ALDH6A1: variants seen among roughly 807,000 people sequenced by gnomAD.
ALDH6A1 encodes methylmalonate-semialdehyde/malonate-semialdehyde dehydrogenase [acylating], mitochondrial.
ALDH6A1 carries 43 observed loss-of-function variants against 62.6 expected under a neutral mutation model. The observed-to-expected ratio is 0.69, with a 90% CI of 0.54 to 0.89. The LOEUF (loss-of-function observed/expected upper bound fraction) is 0.89, where lower values mean the gene tolerates loss of function less well. Ranked by LOEUF, ALDH6A1 falls within the 40% of genes least tolerant of loss-of-function variation. The pLI is 0.00. For missense variants in ALDH6A1, 551 were observed against 661.3 expected (o/e 0.83, Z 1.83); for synonymous variants, 194 against 234.2 (o/e 0.83, Z 1.57).
intron 10 of ALDH6A1, 36 bp from the exon 11 acceptor site, chr14:74,064,956 CAAAGG>C (rs2060436125): frequency 1.3e-6 from 2 of 1,577,836 alleles, no homozygotes; most frequent in African/African-American, 2.7e-5. Flanking sequence ...ATCCTAAGGA[CAAAGG>C]AACTCTCCAT....
At position 74,059,224 on chromosome 14, in the gene ALDH6A1, A is replaced by T. The variant is rs2060286101; in HGVS notation, c.*1418T>A. ...GCCCAGTTAATTGCTCTACATGAAG[A>T]GTTCTTCATTAAACAAATCACTAAT... On this transcript the variant is annotated 3_prime_UTR_variant, in exon 12 of 12. Coordinates refer to ENST00000553458, the MANE Select transcript of ALDH6A1 (RefSeq NM_005589.4). 3.3e-6 allele frequency: 1 copy of T among 304,046 alleles called. No individual in the cohort carries two copies. Among genetic ancestry groups the T allele is most frequent in the Non-Finnish European group, 6.6e-6 (1 of 152,320 alleles). 18.8% of individuals were successfully genotyped at this position (304,046 alleles called of 1,614,324 possible).
rs1441523926 is a variant in ALDH6A1 at position 74,067,379 on chromosome 14, C to A, written c.1042+1G>T. ...AGGGGGCAAGTCAGGTGATTGATTA[C>A]CTGCATTGACTCTCAGGTTTTTGGC... On this transcript the variant is annotated splice_donor_variant, in intron 8 of 11. Transcript: ENST00000553458. LOFTEE classifies it high-confidence loss of function. 1 of 1,612,928 alleles carries A rather than the reference C, an allele frequency of 6.2e-7. No individual in the cohort carries two copies. Among genetic ancestry groups the A allele is most frequent in the African/African-American group, 1.3e-5 (1 of 75,014 alleles).
Position 74,064,909 on chromosome 14 carries a change from AT to A in ALDH6A1, c.1415del (p.Asn472MetfsTer38). ...TTGGCAAAGGCACTGGAATGGGGAC[AT>A]TCACTCCCACCTAAAACAGAACAAA... ...HLVDVGQVGV[N>X]VPIPVPLPMF... On this transcript the variant is annotated frameshift_variant, in exon 11 of 12. Coordinates refer to ENST00000553458, the MANE Select transcript of ALDH6A1 (RefSeq NM_005589.4). LOFTEE classifies it high-confidence loss of function. The A allele has an allele frequency of 1.2e-6, 2 of 1,613,818 alleles. No individual in the cohort carries two copies. The highest frequency in any genetic ancestry group is 2.2e-5 in the South Asian group (2 of 91,064).
Position 74,071,391 on chromosome 14 carries a change from C to A in ALDH6A1, c.534G>T (p.Val178=), listed in dbSNP as rs771808082. The A allele has an allele frequency of 6.2e-7, 1 of 1,614,180 alleles. No homozygotes were observed. The highest frequency in any genetic ancestry group is 8.5e-7 in the Non-Finnish European group (1 of 1,180,042). The part of the protein sequence containing the change: ...DLYSYRLPLG[V]CAGIAPFNFP... ...AATTGAATGGAGCAATGCCTGCACA[C>A]ACTCCCAGAGGCAGACGGTAGGAAT... Residue 178 remains valine, a synonymous_variant, in exon 6 of 12, where the codon GTG becomes GTT. Transcript: ENST00000553458.
At chr14:74,079,510 C>T (rs1423635052) in intron 1 of ALDH6A1, among the ~76,000 whole-genome samples, 5 of 151,580 alleles carry the variant, frequency 3.3e-5, no homozygotes, top group African/African-American at 1.2e-4. Context: ...CTTGGCTCAC[C>T]GCAAGCTCCG....
In ALDH6A1 at chr14:74,057,596, C is replaced by A; in HGVS notation, c.*3046G>T. ...TAGCTTTCCATCACAGGTGGGAAGTCAGAGTCATTACAACCTAGAGGACAA... is the reference window on the plus strand; with the variant it reads ...TAGCTTTCCATCACAGGTGGGAAGTAAGAGTCATTACAACCTAGAGGACAA... On this transcript the variant is annotated 3_prime_UTR_variant, in exon 12 of 12. Coordinates refer to ENST00000553458, the MANE Select transcript of ALDH6A1 (RefSeq NM_005589.4). The A allele has an allele frequency of 7.5e-7, 1 of 1,330,744 alleles. No individual in the cohort carries two copies. Among genetic ancestry groups the A allele is most frequent in the Non-Finnish European group, 9.8e-7 (1 of 1,024,312 alleles). The allele number at this position is 1,330,744 out of a possible 1,614,324, so 82.4% of individuals were successfully genotyped here.
Position 74,059,056 on chromosome 14 carries a change from C to T in ALDH6A1, c.*1586G>A, listed in dbSNP as rs2139711313. The T allele has an allele frequency of 5.7e-6, 1 of 176,350 alleles. No homozygotes were observed. Among genetic ancestry groups the T allele is most frequent in the South Asian group, 1.0e-4 (1 of 10,010 alleles). The allele number at this position is 176,350 out of a possible 1,614,324, so 10.9% of individuals were successfully genotyped here. A position where few individuals can be genotyped will look rare whatever the true frequency, so the allele number is the denominator to read the frequency against. On this transcript the variant is annotated 3_prime_UTR_variant, in exon 12 of 12. Coordinates refer to ENST00000553458, the MANE Select transcript of ALDH6A1 (RefSeq NM_005589.4). Reference sequence around the variant, plus strand: ...CCAAGATCACGCCATTGCACTCTAGCCTGGGCAACAAGAGTGAAACTCCAT... The same window carrying T: ...CCAAGATCACGCCATTGCACTCTAGTCTGGGCAACAAGAGTGAAACTCCAT...
intron 1 of ALDH6A1, among the ~76,000 whole-genome samples, chr14:74,082,360 A>G (rs1314946836): frequency 7.1e-6 from 1 of 140,582 alleles, no homozygotes; most frequent in East Asian, 2.3e-4. Flanking sequence ...TCCTTTTGAT[A>G]GTTCTCTAAT....
rs775658691 is a variant in ALDH6A1, at chr14:74,067,450, G to C, written c.972C>G (p.Val324=). ...GQRCMALSTA[V]LVGEAKKWLP... ...GCCACTTCTTGGCTTCTCCCACAAG[G>C]ACTGCTGTTGAAAGAGCCATGCAGC... is the stretch of plus-strand genomic sequence containing the variant. The change falls in exon 8 of 12, where the codon GTC becomes GTG. Residue 324 remains valine, a synonymous_variant. Transcript: ENST00000553458. The C allele has an allele frequency of 3.1e-6, 5 of 1,614,180 alleles. No individual in the cohort carries two copies. In the South Asian group the frequency reaches 5.5e-5, roughly 18 times the overall value.
intron 1 of ALDH6A1, 118 bp from the exon 2 acceptor site, chr14:74,075,135 G>T: frequency 1.2e-6 from 1 of 843,360 alleles, no homozygotes; most frequent in South Asian, 1.5e-5. Flanking sequence ...TCTCTCAAAG[G>T]CCATACAGTC....
Position 74,057,315 on chromosome 14 carries a change from G to A in ALDH6A1, c.*3327C>T, listed in dbSNP as rs762161389. 9 of 1,609,896 alleles carry A rather than the reference G, an allele frequency of 5.6e-6. No homozygotes were observed. Among genetic ancestry groups the A allele is most frequent in the East Asian group, 4.5e-5 (2 of 44,832 alleles). On this transcript the variant is annotated 3_prime_UTR_variant, in exon 12 of 12. Transcript: ENST00000553458. ...TATTGTTGTCACCCTTCCCCATGTCGCTTCTTGCTAAATCACGGTTATTTT... is the reference window on the plus strand; with the variant it reads ...TATTGTTGTCACCCTTCCCCATGTCACTTCTTGCTAAATCACGGTTATTTT...
At position 74,056,916 on chromosome 14, in the gene ALDH6A1, C is replaced by A; in HGVS notation, c.*3726G>T. ...TTTTACCCACTACAGGAAATACAAC[C>A]AGAGTTCTAGGCCTCCAGTTCCAGA... On this transcript the variant is annotated 3_prime_UTR_variant, in exon 12 of 12. Coordinates refer to ENST00000553458, the MANE Select transcript of ALDH6A1 (RefSeq NM_005589.4). The A allele has an allele frequency of 1.2e-6, 2 of 1,612,850 alleles. No individual in the cohort carries two copies. Among genetic ancestry groups the A allele is most frequent in the South Asian group, 1.1e-5 (1 of 91,024 alleles).
chr14:74,078,038 G>A (rs983590074), intron 1 of ALDH6A1, among the ~76,000 whole-genome samples: 2 of 152,172 alleles, frequency 1.3e-5, no homozygotes, highest in Non-Finnish European at 2.9e-5. Flanking sequence ...CCCAGTTCAA[G>A]ACCAGCTTGG....
intron 1 of ALDH6A1, among the ~76,000 whole-genome samples, chr14:74,079,275 G>C (rs547310997): frequency 6.6e-6 from 1 of 151,662 alleles, no homozygotes; most frequent in Non-Finnish European, 1.5e-5. Context: ...TCAGGAATTT[G>C]AGACCTGCCT....
intron 9 of ALDH6A1, 74 bp from the exon 10 acceptor site, chr14:74,065,434 T>C: frequency 7.5e-7 from 1 of 1,325,260 alleles, no homozygotes; most frequent in Non-Finnish European, 1.1e-6. Flanking sequence ...TTTGGTACTT[T>C]CACTTACTAC....
In ALDH6A1 at chr14:74,056,958, A is replaced by G; in HGVS notation, c.*3684T>C. ...AGTTCCAGACTATGTTGTTTCTGAC[A>G]GTGGGGAAACAAAGGAATTTGGGTA... On this transcript the variant is annotated 3_prime_UTR_variant, in exon 12 of 12. Transcript: ENST00000553458. The G allele has an allele frequency of 3.1e-6, 5 of 1,613,734 alleles. No individual in the cohort carries two copies. Among genetic ancestry groups the G allele is most frequent in the Non-Finnish European group, 4.2e-6 (5 of 1,179,756 alleles).
Position 74,074,945 on chromosome 14 carries a change from A to T in ALDH6A1, c.111+10T>A, listed in dbSNP as rs369958390. On this transcript the variant is annotated intron_variant, in intron 2 of 11. Coordinates refer to ENST00000553458, the MANE Select transcript of ALDH6A1 (RefSeq NM_005589.4). Reference sequence around the variant, plus strand: ...TCTCAGAAGTCAACCTCTATGCCAAATAAACTCACCACTGAAGAAGAGAAG... The same window carrying T: ...TCTCAGAAGTCAACCTCTATGCCAATTAAACTCACCACTGAAGAAGAGAAG... 1.2e-6 allele frequency: 2 copies of T among 1,613,800 alleles called. No individual in the cohort carries two copies. Among genetic ancestry groups the T allele is most frequent in the Admixed American group, 3.3e-5 (2 of 60,024 alleles).
chr14:74,079,693 A>G (rs1955424080), intron 1 of ALDH6A1, among the ~76,000 whole-genome samples: 1 of 152,028 alleles, frequency 6.6e-6, no homozygotes, highest in Non-Finnish European at 1.5e-5. Context: ...CAGCCTCCCA[A>G]AGTGCTGGGA....
chr14:74,068,632 A>G (rs894430662), intron 7 of ALDH6A1, among the ~76,000 whole-genome samples: 10 of 151,694 alleles, frequency 6.6e-5, no homozygotes, highest in African/African-American at 2.4e-4. Flanking sequence ...ATTCCCAGCT[A>G]CTCGGGAGGC....
Sources: gnomAD v4.1 joint callset for allele counts (sites outside exome capture counted in the v4.1 genomes callset) on GRCh38, gnomAD v4.1.1 for gene constraint, MANE v1.5 for transcripts, NCBI Gene and HGNC (gene_info 2026-07-23, HGNC 2026-07-21) for gene names.